SGCD: variants seen among roughly 807,000 people sequenced by gnomAD.
The protein encoded by SGCD is sarcoglycan delta.
A neutral mutation model predicts 36.6 loss-of-function variants in SGCD; 18 were observed. The observed-to-expected ratio is 0.49, with a 90% CI of 0.34 to 0.73. The LOEUF (loss-of-function observed/expected upper bound fraction) is 0.73. SGCD is among the 30% of genes least tolerant of loss of function. SGCD has a pLI of 0.01. For synonymous variants in SGCD, 133 were observed against 130.6 expected, an observed-to-expected ratio of 1.02 and a Z score of -0.12; for missense variants, 387 against 346.7, an observed-to-expected ratio of 1.12 and a Z score of -0.92.
intron 1 of SGCD, among the ~76,000 whole-genome samples, chr5:155,930,032 G>T (rs1008697916): frequency 5.3e-5 from 8 of 152,098 alleles, no homozygotes; most frequent in African/African-American, 1.9e-4. Context: ...TGCTGAGTAG[G>T]ATTTTGCTTA....
chr5:156,620,402 T>C (rs184259702), intron 6 of SGCD, among the ~76,000 whole-genome samples: 2 of 152,244 alleles, frequency 1.3e-5, no homozygotes, highest in Non-Finnish European at 2.9e-5. Flanking sequence ...GTTATATTCT[T>C]GTACGGGTAT....
At chr5:156,735,648 T>C (rs116543869) in intron 7 of SGCD, among the ~76,000 whole-genome samples, 5,490 of 152,204 alleles carry the variant, frequency 0.036, 122 homozygotes, top group Admixed American at 0.052. Flanking sequence ...CCCGGGTAGG[T>C]GCAACACTGC....
chr5:156,126,126 C>A (rs1180220304), intron 3 of SGCD, among the ~76,000 whole-genome samples: 1 of 152,014 alleles, frequency 6.6e-6, no homozygotes, highest in South Asian at 2.1e-4. Context: ...AGTGATCCTA[C>A]CGCCTCAGCC....
chr5:156,626,887 G>T (rs1581280010), intron 6 of SGCD, among the ~76,000 whole-genome samples: 1 of 152,198 alleles, frequency 6.6e-6, no homozygotes, highest in Non-Finnish European at 1.5e-5. Context: ...TATTACCCCA[G>T]GCATTTAAAA....
At chr5:155,992,558 G>C (rs1298425365) in intron 1 of SGCD, among the ~76,000 whole-genome samples, 1 of 152,132 alleles carries the variant, frequency 6.6e-6, no homozygotes, top group Non-Finnish European at 1.5e-5. Flanking sequence ...AGCATAATCA[G>C]GAATTCCCCC....
At chr5:156,738,574 A>G (rs551797136) in intron 7 of SGCD, 1 of 152,320 alleles carries the variant, frequency 6.6e-6, no homozygotes, top group South Asian at 2.1e-4. Context: ...ATTTTTAGCC[A>G]CTTACCTTTG....
chr5:156,534,476 C>A (rs1039710179), intron 4 of SGCD, among the ~76,000 whole-genome samples: 2 of 152,136 alleles, frequency 1.3e-5, no homozygotes, highest in African/African-American at 4.8e-5. Flanking sequence ...TACTTCATCT[C>A]TTGATTGTGG....
At chr5:156,046,553 CT>C (rs1309965898) in intron 1 of SGCD, among the ~76,000 whole-genome samples, 6 of 152,064 alleles carry the variant, frequency 3.9e-5, no homozygotes, top group African/African-American at 7.2e-5. Flanking sequence ...CTTTTCAGTA[CT>C]ATTTTACCTG....
chr5:156,028,606 G>A (rs1387222333), intron 1 of SGCD, among the ~76,000 whole-genome samples: 1 of 152,108 alleles, frequency 6.6e-6, no homozygotes, highest in Non-Finnish European at 1.5e-5. Flanking sequence ...TTGCTATGAT[G>A]ATAAGGATAG....
At chr5:155,849,719 A>G in the SGCD span, among the ~76,000 whole-genome samples, 2 of 152,214 alleles carry the variant, frequency 1.3e-5, no homozygotes, top group African/African-American at 4.8e-5. Context: ...TTAAAATGAC[A>G]ATGGATTCTG....
At chr5:156,109,749 G>A (rs1417994167) in intron 1 of SGCD, among the ~76,000 whole-genome samples, 1 of 152,052 alleles carries the variant, frequency 6.6e-6, no homozygotes, top group Non-Finnish European at 1.5e-5. Flanking sequence ...TCAGATGTGT[G>A]TTATCCACTC....
At chr5:156,646,717 C>T in intron 6 of SGCD, among the ~76,000 whole-genome samples, 1 of 152,120 alleles carries the variant, frequency 6.6e-6, no homozygotes, top group East Asian at 1.9e-4. Context: ...ATATCTTGTG[C>T]AATTGTCTGT....
At chr5:156,110,711 A>G (rs113245322) in intron 1 of SGCD, among the ~76,000 whole-genome samples, 87 of 152,232 alleles carry the variant, frequency 5.7e-4, no homozygotes, top group African/African-American at 2.0e-3. Context: ...AAATTAATAT[A>G]ATGATTTGTT....
At position 156,211,501 on chromosome 5, in the gene SGCD, G is replaced by A. The variant is rs563273836; in HGVS notation, c.-44+87482G>A. ...CGGGCGCCTGTAGTCCCAGCTACTC[G>A]GGAGGCTGAGGCAGGGGAATGGCGT... On this transcript the variant is annotated intron_variant, in intron 3 of 9. Coordinates refer to the SGCD transcript ENST00000517913. Among the ~76,000 whole-genome samples the A allele has an allele frequency of 4.4e-3, 671 of 151,904 alleles. 2 individuals are homozygous for A. The highest frequency in any genetic ancestry group is 0.01 in the Middle Eastern group (3 of 294).
At chr5:156,483,906 T>C (rs977885644) in intron 3 of SGCD, among the ~76,000 whole-genome samples, 2 of 151,310 alleles carry the variant, frequency 1.3e-5, no homozygotes, top group South Asian at 4.3e-4. Context: ...GAGGCAATAA[T>C]CTGCTGCCTA....
the SGCD span, among the ~76,000 whole-genome samples, chr5:155,828,911 TC>T: frequency 1.3e-5 from 2 of 152,076 alleles, no homozygotes; most frequent in African/African-American, 2.4e-5. Context: ...AGTCTGAAAC[TC>T]CTAACCTCAG....
chr5:156,082,876 C>T (rs997171576), intron 1 of SGCD, among the ~76,000 whole-genome samples: 1 of 151,988 alleles, frequency 6.6e-6, no homozygotes, highest in Non-Finnish European at 1.5e-5. Context: ...TATAATTCTG[C>T]CAGTATGTAT....
chr5:156,520,906 A>T (rs1267243292), intron 4 of SGCD, among the ~76,000 whole-genome samples: 1 of 150,102 alleles, frequency 6.7e-6, no homozygotes, highest in Non-Finnish European at 1.5e-5. Context: ...AGTCCCAGCT[A>T]TTCAGGAGGC....
chr5:156,559,748 A>G (rs896617531), intron 4 of SGCD, among the ~76,000 whole-genome samples: 2 of 152,174 alleles, frequency 1.3e-5, no homozygotes, highest in African/African-American at 4.8e-5. Context: ...AAACTTCTAT[A>G]GGAGACAGGC....
Sources: gnomAD v4.1 joint callset for allele counts (sites outside exome capture counted in the v4.1 genomes callset) on GRCh38, gnomAD v4.1.1 for gene constraint, MANE v1.5 for transcripts, NCBI Gene and HGNC (gene_info 2026-07-23, HGNC 2026-07-21) for gene names.